The following GLI3 variants were observed in gnomAD, a reference collection of about 807,000 sequenced individuals.
GLI3 encodes GLI family zinc finger 3.
In GLI3, 20 loss-of-function variants were observed where a neutral mutation model predicts 100.8. The ratio of observed to expected loss-of-function variants is 0.20; its 90% CI spans 0.14 to 0.29. The LOEUF (loss-of-function observed/expected upper bound fraction) is 0.29, where lower values mean the gene tolerates loss of function less well. Ranked by LOEUF, GLI3 falls within the 10% of genes least tolerant of loss-of-function variation. The pLI, the probability that GLI3 is intolerant of heterozygous loss-of-function variation, is 1.00. For synonymous variants in GLI3, 938 were observed against 860.5 expected (o/e 1.09, Z -1.58); for missense variants, 2,040 against 2,128.5 (o/e 0.96, Z 0.82).
chr7:42,105,738 T>G (rs533914365), intron 3 of GLI3, among the ~76,000 whole-genome samples: 13 of 152,282 alleles, frequency 8.5e-5, no homozygotes, highest in Non-Finnish European at 1.9e-4. Context: ...ATAGACTGTG[T>G]GTGTCCAGTG....
intron 4 of GLI3, among the ~76,000 whole-genome samples, chr7:42,053,200 T>C (rs1386306157): frequency 6.6e-6 from 1 of 152,222 alleles, no homozygotes; most frequent in Non-Finnish European, 1.5e-5. Flanking sequence ...TTTCACCATG[T>C]TGATTAGGCC....
intron 8 of GLI3, 120 bp downstream of exon 8, chr7:42,026,079 G>A (rs1456195678): frequency 1.1e-5 from 8 of 713,814 alleles, no homozygotes; most frequent in Non-Finnish European, 2.0e-5. Flanking sequence ...AAGAAGACAG[G>A]ATGCTAGTAC....
chr7:42,227,759 A>G (rs1788611228), intron 1 of GLI3: 1 of 152,172 alleles, frequency 6.6e-6, no homozygotes, highest in South Asian at 2.1e-4. Context: ...CGGGACCTAC[A>G]TATTAAACAG....
chr7:42,224,423 G>C (rs987966707), intron 1 of GLI3, among the ~76,000 whole-genome samples: 7 of 152,180 alleles, frequency 4.6e-5, no homozygotes, highest in African/African-American at 1.7e-4. Context: ...GGAACTGCAA[G>C]CTCTTCATTG....
chr7:41,987,151 C>T (rs1198228245), intron 10 of GLI3, among the ~76,000 whole-genome samples: 2 of 145,970 alleles, frequency 1.4e-5, no homozygotes, highest in African/African-American at 5.1e-5. Flanking sequence ...TGGGTTGAGT[C>T]AAAGTGGAAC....
At chr7:42,045,233 G>A (rs561268209) in intron 6 of GLI3, 151 bp downstream of exon 6, 23 of 823,330 alleles carry the variant, frequency 2.8e-5, no homozygotes, top group Non-Finnish European at 4.2e-5. Context: ...TCTAGAAAAC[G>A]AAGGGAACCA....
intron 1 of GLI3, among the ~76,000 whole-genome samples, chr7:42,244,627 C>T (rs765002783): frequency 3.3e-5 from 5 of 151,490 alleles, no homozygotes; most frequent in Admixed American, 6.6e-5. Flanking sequence ...GGCCAAAAAG[C>T]GGTTAGTTAG....
intron 13 of GLI3, among the ~76,000 whole-genome samples, chr7:41,968,735 A>G (rs868500144): frequency 4.3e-4 from 53 of 122,784 alleles, no homozygotes; most frequent in Non-Finnish European, 6.8e-4. Flanking sequence ...AAAGAAAGAA[A>G]GAAAGAAAGA....
intron 3 of GLI3, among the ~76,000 whole-genome samples, chr7:42,103,562 C>G (rs1169560425): frequency 1.3e-5 from 2 of 152,152 alleles, no homozygotes; most frequent in Non-Finnish European, 2.9e-5. Flanking sequence ...ATAACTGATT[C>G]TCCAAGATAC....
intron 2 of GLI3, among the ~76,000 whole-genome samples, chr7:42,177,273 G>C (rs916729630): frequency 2.6e-5 from 4 of 152,058 alleles, no homozygotes; most frequent in Non-Finnish European, 5.9e-5. Flanking sequence ...ATGCAGAGTG[G>C]GGAGGAGAGA....
At chr7:42,118,484 C>T (rs1257788603) in intron 3 of GLI3, among the ~76,000 whole-genome samples, 1 of 152,214 alleles carries the variant, frequency 6.6e-6, no homozygotes, top group Non-Finnish European at 1.5e-5. Context: ...CCCTAGCCCC[C>T]AATTTTCAGT....
intron 2 of GLI3, among the ~76,000 whole-genome samples, chr7:42,191,459 CCT>C (rs1282673713): frequency 1.3e-5 from 2 of 151,992 alleles, no homozygotes; most frequent in African/African-American, 4.8e-5. Flanking sequence ...TCAAGGCCAG[CCT>C]GACCAACATG....
Position 41,961,835 on chromosome 7 carries a change from T to A in GLI3, c.*2495A>T, listed in dbSNP as rs1787021181. On this transcript the variant is annotated 3_prime_UTR_variant, in exon 15 of 15. Coordinates refer to ENST00000395925, the MANE Select transcript of GLI3 (RefSeq NM_000168.6). ...GGACTGCCACAACAGATCACTGAAA[T>A]TCTGGAGGAGTATACTTTCTTCTTC... The A allele has an allele frequency of 6.6e-6, 1 of 152,162 alleles. No individual in the cohort carries two copies. The highest frequency in any genetic ancestry group is 2.4e-5 in the African/African-American group (1 of 41,438). 9.4% of individuals were successfully genotyped at this position (152,162 alleles called of 1,614,324 possible). A position where few individuals can be genotyped will look rare whatever the true frequency, so the allele number is the denominator to read the frequency against.
intron 10 of GLI3, among the ~76,000 whole-genome samples, chr7:42,014,117 A>T (rs183697204): frequency 6.6e-6 from 1 of 152,322 alleles, no homozygotes; most frequent in East Asian, 1.9e-4. Context: ...GCCCTCTTTA[A>T]TACACTGTAC....
intron 4 of GLI3, among the ~76,000 whole-genome samples, chr7:42,076,481 A>G (rs1784880532): frequency 6.6e-6 from 1 of 152,210 alleles, no homozygotes; most frequent in Admixed American, 6.5e-5. Context: ...TTTACTTTTT[A>G]ATTTAGTATT....
chr7:42,066,602 G>A (rs942457998), intron 4 of GLI3, among the ~76,000 whole-genome samples: 1 of 152,184 alleles, frequency 6.6e-6, no homozygotes, highest in African/African-American at 2.4e-5. Flanking sequence ...AGAGGATGAA[G>A]AGAGACTCCA....
intron 3 of GLI3, among the ~76,000 whole-genome samples, chr7:42,112,607 T>TG (rs11408619): frequency 0.18 from 27,439 of 151,994 alleles, 3,954 homozygotes; most frequent in African/African-American, 0.41. Context: ...ATGCCCATTA[T>TG]TTCCCATAAC....
chr7:42,190,140 C>CA lies in GLI3; in HGVS notation c.124+32989dup, dbSNP rs11341473. 6.3e-3 allele frequency among the ~76,000 whole-genome samples: 884 copies of CA among 140,040 alleles called. 3 individuals are homozygous for CA. The highest frequency in any genetic ancestry group is 0.015 in the African/African-American group (575 of 39,010). The allele number at this position is 140,040 out of a possible 152,430, so 91.9% of individuals were successfully genotyped here. A position where few individuals can be genotyped will look rare whatever the true frequency, so the allele number is the denominator to read the frequency against. ...AGCGGCATGAATATCATCTTACTGTCAAAAAAAAAAAAACAGTATATGGAA... is the reference window on the plus strand; with the variant it reads ...AGCGGCATGAATATCATCTTACTGTCAAAAAAAAAAAAAACAGTATATGGAA... On this transcript the variant is annotated intron_variant, in intron 2 of 14. Coordinates refer to ENST00000395925, the MANE Select transcript of GLI3 (RefSeq NM_000168.6).
rs562222686 is a variant in GLI3 at position 42,055,050 on chromosome 7, T to C, written c.474-6354A>G. On this transcript the variant is annotated intron_variant, in intron 4 of 14. Transcript: ENST00000395925. Reference sequence around the variant, plus strand: ...ACACATATATGTATACATATATATATACACACACATATATGTATACATATA... The same window carrying C: ...ACACATATATGTATACATATATATACACACACACATATATGTATACATATA... 1.6e-3 allele frequency among the ~76,000 whole-genome samples: 224 copies of C among 144,500 alleles called. 4 individuals are homozygous for C. The highest frequency in any genetic ancestry group is 4.4e-3 in the African/African-American group (168 of 38,150). The allele number at this position is 144,500 out of a possible 152,430, so 94.8% of individuals were successfully genotyped here.
Sources: gnomAD v4.1 joint callset for allele counts (sites outside exome capture counted in the v4.1 genomes callset) on GRCh38, gnomAD v4.1.1 for gene constraint, MANE v1.5 for transcripts, NCBI Gene and HGNC (gene_info 2026-07-23, HGNC 2026-07-21) for gene names.